LBR: variants seen among roughly 807,000 people sequenced by gnomAD.
LBR encodes the protein lamin B receptor, also known as delta(14)-sterol reductase LBR.
LBR carries 28 observed loss-of-function variants against 74.3 expected under a neutral mutation model. The observed-to-expected ratio is 0.38, with a 90% CI of 0.28 to 0.52. The LOEUF is 0.52. Among genes scored for constraint, LBR ranks in the 20% least tolerant of loss-of-function variants. The pLI, the probability that LBR is intolerant of heterozygous loss-of-function variation, is 0.89. For synonymous variants in LBR, 228 were observed against 269.3 expected (o/e 0.85, Z 1.50); for missense variants, 717 against 760.3 (o/e 0.94, Z 0.67).
At chr1:225,412,756 A>C in intron 7 of LBR, 111 bp from the exon 8 acceptor site, 1 of 983,248 alleles carries the variant, frequency 1.0e-6, no homozygotes, top group South Asian at 1.5e-5. Flanking sequence ...TCTTAATTTC[A>C]TTATTCAGAC....
chr1:225,428,404 T>C (rs966048192), upstream of LBR, among the ~76,000 whole-genome samples: 4 of 152,268 alleles, frequency 2.6e-5, no homozygotes, highest in Middle Eastern at 6.8e-3. Context: ...GCAGCAGTGT[T>C]TGGGGTGCCA....
In LBR at chr1:225,422,243, G is replaced by A. The variant is rs2096128936; in HGVS notation, c.200C>T (p.Ser67Leu). ...LTSFRQRKGG[S>L]TSSSPSRRRG... is the part of the protein sequence containing the mutation. The stretch of plus-strand genomic sequence containing the variant: ...GCGTCTGGAAGGGGAACTGGAAGTT[G>A]AGCCACCTTTCCTTTGCCTAAAGGA... The change falls in exon 3 of 14, where the codon TCA (serine) becomes TTA (leucine). Residue 67 changes from serine (S) to leucine (L), a missense_variant. By Grantham distance (145) the Ser-to-Leu change is moderately radical. Transcript: ENST00000272163. 1.2e-6 allele frequency: 2 copies of A among 1,613,666 alleles called. No individual in the cohort carries two copies. The highest frequency in any genetic ancestry group is 2.2e-5 in the South Asian group (2 of 91,064).
intron 5 of LBR, 152 bp downstream of exon 5, chr1:225,419,111 T>C (rs2096122804): frequency 4.0e-6 from 3 of 741,044 alleles, no homozygotes; most frequent in Non-Finnish European, 4.8e-6. Flanking sequence ...GCACCCACTG[T>C]TCCTTCTCTG....
intron 8 of LBR, 91 bp downstream of exon 8, chr1:225,412,363 G>A: frequency 1.7e-6 from 2 of 1,170,320 alleles, no homozygotes; most frequent in Non-Finnish European, 2.5e-6. Flanking sequence ...CAAAAATGAA[G>A]TTAGAAAAAA....
intron 9 of LBR, 54 bp from the exon 10 acceptor site, chr1:225,410,470 G>A: frequency 6.3e-7 from 1 of 1,589,062 alleles, no homozygotes; most frequent in Non-Finnish European, 8.6e-7. Flanking sequence ...AGAGACCTTA[G>A]CACTACAAAG....
At chr1:225,413,212 C>T (rs996009190) in intron 7 of LBR, among the ~76,000 whole-genome samples, 2 of 152,248 alleles carry the variant, frequency 1.3e-5, no homozygotes, top group African/African-American at 4.8e-5. Context: ...TGCCACAACA[C>T]AAATGCCCGA....
At chr1:225,409,144 G>A (rs943464947) in intron 10 of LBR, among the ~76,000 whole-genome samples, 4 of 129,130 alleles carry the variant, frequency 3.1e-5, no homozygotes, top group African/African-American at 5.1e-5. Flanking sequence ...TTGGGTCGAC[G>A]TGGAATTTTT....
chr1:225,406,111 G>C (rs147689264), intron 11 of LBR, among the ~76,000 whole-genome samples: 31 of 152,158 alleles, frequency 2.0e-4, no homozygotes, highest in African/African-American at 7.0e-4. Context: ...TGTTCCCAGT[G>C]CCTGACTTTT....
At chr1:225,403,727 A>G (rs2096085755) in intron 13 of LBR, among the ~76,000 whole-genome samples, 2 of 152,114 alleles carry the variant, frequency 1.3e-5, no homozygotes, top group African/African-American at 4.8e-5. Flanking sequence ...GTTAATACAC[A>G]TCTCTTCATT....
Position 225,427,940 on chromosome 1 carries a change from G to C in LBR, c.-15+14C>G, listed in dbSNP as rs941323589. On this transcript the variant is annotated intron_variant, in intron 1 of 13. Transcript: ENST00000272163. ...GCGGGGAGCTGGGAGCAGGGCGGGG[G>C]TGGAAGCACTCACCTGCGCCAGGTT... 2.0e-5 allele frequency: 3 copies of C among 152,194 alleles called. No homozygotes were observed. The highest frequency in any genetic ancestry group is 2.9e-5 in the Non-Finnish European group (2 of 68,082). 9.4% of individuals were successfully genotyped at this position (152,194 alleles called of 1,614,324 possible).
At chr1:225,421,320 T>C (rs113832529) in intron 3 of LBR, among the ~76,000 whole-genome samples, 4,654 of 152,288 alleles carry the variant, frequency 0.031, 104 homozygotes, top group Middle Eastern at 0.051. Flanking sequence ...GGTGAAACCC[T>C]GTCTCTACTA....
intron 10 of LBR, among the ~76,000 whole-genome samples, chr1:225,408,827 ATGTT>A (rs1333729139): frequency 6.6e-6 from 1 of 152,234 alleles, no homozygotes; most frequent in Admixed American, 6.5e-5. Flanking sequence ...ACACAAGTCA[ATGTT>A]TGGCTAAATC....
At chr1:225,404,324 ACT>A in intron 13 of LBR, 78 bp downstream of exon 13, 1 of 1,596,212 alleles carries the variant, frequency 6.3e-7, no homozygotes, top group Non-Finnish European at 8.6e-7. Context: ...CCTTGGCCAC[ACT>A]GTCCCACACA....
upstream of LBR, among the ~76,000 whole-genome samples, chr1:225,428,255 G>C (rs547048164): frequency 6.6e-6 from 1 of 152,188 alleles, no homozygotes; most frequent in South Asian, 2.1e-4. Flanking sequence ...CCTGGGGGCG[G>C]GGAGGCCGGT....
Position 225,412,607 on chromosome 1 carries a change from T to C in LBR, c.931A>G (p.Thr311Ala), listed in dbSNP as rs2275601. 619 of 1,613,508 alleles carry C rather than the reference T, an allele frequency of 3.8e-4. 10 individuals carry two copies. In the East Asian group the frequency reaches 0.014, roughly 36 times the overall value. Residue 311 changes from threonine to alanine, a missense_variant, in exon 8 of 14, where the codon ACA becomes GCA. Coordinates refer to ENST00000272163, the MANE Select transcript of LBR (RefSeq NM_002296.4). ...AACTCTACGCCCTGGAAGAGAGATG[T>C]TCCGATGACTGCAGATGTCAGGATA... ...AFILTSAVIGTSLFQGVEFHY... is the reference protein window; with the variant it reads ...AFILTSAVIGASLFQGVEFHY...
intron 10 of LBR, among the ~76,000 whole-genome samples, chr1:225,408,698 T>A (rs913975472): frequency 3.3e-5 from 5 of 152,254 alleles, no homozygotes; most frequent in African/African-American, 1.2e-4. Context: ...CTTATTATCA[T>A]CTGGCTGAGA....
In LBR at chr1:225,424,097, G is replaced by C; in HGVS notation, c.-14-8C>G. 1 of 1,610,306 alleles carries C rather than the reference G, an allele frequency of 6.2e-7. No individual in the cohort carries two copies. The highest frequency in any genetic ancestry group is 1.1e-5 in the South Asian group (1 of 91,012). ...GCATTTTCTATAATTAACCTGAATA[G>C]TTTTAAAGAAAAAAATTTGAGTCAA... On this transcript the variant is annotated splice_polypyrimidine_tract_variant and splice_region_variant and intron_variant, in intron 1 of 13. Coordinates refer to ENST00000272163, the MANE Select transcript of LBR (RefSeq NM_002296.4).
Position 225,403,276 on chromosome 1 carries a change from G to A in LBR, c.*27C>T, listed in dbSNP as rs2096084738. 1.9e-6 allele frequency: 3 copies of A among 1,607,950 alleles called. No individual in the cohort carries two copies. Among genetic ancestry groups the A allele is most frequent in the Admixed American group, 1.7e-5 (1 of 59,974 alleles). ...GCAAATGGCAGCTGGAATTGCAGGAGTATTTTGTAGAAAAGCCAGAAGAGC... is the reference window on the plus strand; with the variant it reads ...GCAAATGGCAGCTGGAATTGCAGGAATATTTTGTAGAAAAGCCAGAAGAGC... On this transcript the variant is annotated 3_prime_UTR_variant, in exon 14 of 14. Coordinates refer to ENST00000272163, the MANE Select transcript of LBR (RefSeq NM_002296.4).
intron 13 of LBR, among the ~76,000 whole-genome samples, chr1:225,403,799 C>T (rs1309084767): frequency 6.6e-6 from 1 of 152,262 alleles, no homozygotes; most frequent in East Asian, 1.9e-4. Context: ...GGCTGGGCCA[C>T]CAAACAGGCA....
Sources: allele counts gnomAD v4.1 joint callset (sites outside exome capture counted in the v4.1 genomes callset), GRCh38; gene constraint gnomAD v4.1.1; transcripts MANE v1.5; gene names NCBI Gene and HGNC (gene_info 2026-07-23, HGNC 2026-07-21).